The following CCSER1 variants were observed in gnomAD, a reference collection of about 807,000 sequenced individuals.
The protein encoded by CCSER1 is coiled-coil serine rich protein 1.
Under a neutral mutation model 82.0 loss-of-function variants are expected in CCSER1, and 41 were observed. The ratio of observed to expected loss-of-function variants is 0.50; its 90% CI spans 0.39 to 0.65. The LOEUF is 0.65. CCSER1 is among the 30% of genes least tolerant of loss of function. CCSER1 has a pLI of 0.00. For missense variants in CCSER1, 1,119 were observed against 1,064.2 expected, an observed-to-expected ratio of 1.05 and a Z score of -0.72; for synonymous variants, 414 against 383.9, an observed-to-expected ratio of 1.08 and a Z score of -0.92.
Position 90,915,866 on chromosome 4 carries a change from A to G in CCSER1, c.2095-7504A>G, listed in dbSNP as rs565812257. ...AAAATCACAAGCATTCTTATACACCAATAACAGACAAACAGAGAGCCAAAT... is the reference window on the plus strand; with the variant it reads ...AAAATCACAAGCATTCTTATACACCGATAACAGACAAACAGAGAGCCAAAT... On this transcript the variant is annotated intron_variant, in intron 8 of 10. Coordinates refer to ENST00000509176, the MANE Select transcript of CCSER1 (RefSeq NM_001145065.2). Among the ~76,000 whole-genome samples the G allele has an allele frequency of 3.0e-3, 457 of 152,066 alleles. 3 individuals are homozygous for G. Among genetic ancestry groups the G allele is most frequent in the African/African-American group, 0.011 (439 of 41,460 alleles).
chr4:90,382,827 A>T (rs1749412178), intron 3 of CCSER1, among the ~76,000 whole-genome samples: 1 of 152,128 alleles, frequency 6.6e-6, no homozygotes, highest in Non-Finnish European at 1.5e-5. Flanking sequence ...ATTTGTCATT[A>T]ACTAAAAAAT....
intron 10 of CCSER1, among the ~76,000 whole-genome samples, chr4:91,555,348 ATAGTT>A (rs1204512471): frequency 6.6e-6 from 1 of 151,172 alleles, no homozygotes; most frequent in African/African-American, 2.4e-5. Flanking sequence ...AAGTTACTGT[ATAGTT>A]TATTTTCTTC....
intron 1 of CCSER1, among the ~76,000 whole-genome samples, chr4:90,198,758 AAG>A (rs1472507749): frequency 6.6e-6 from 1 of 152,176 alleles, no homozygotes; most frequent in Non-Finnish European, 1.5e-5. Context: ...TCCGTCCAAA[AAG>A]AGCACCTTCT....
At chr4:91,014,927 TCAAACC>T in intron 9 of CCSER1, among the ~76,000 whole-genome samples, 2 of 83,154 alleles carry the variant, frequency 2.4e-5, no homozygotes, top group Middle Eastern at 6.7e-3. Context: ...TTGGAGAGAA[TCAAACC>T]CATAGTTTAT....
chr4:90,265,414 A>G (rs1037679368), intron 1 of CCSER1, among the ~76,000 whole-genome samples: 1 of 151,876 alleles, frequency 6.6e-6, no homozygotes, highest in African/African-American at 2.4e-5. Flanking sequence ...TAAATGATCA[A>G]ATTTCACTAG....
chr4:90,815,927 T>C, intron 8 of CCSER1, 82 bp downstream of exon 8: 1 of 816,130 alleles, frequency 1.2e-6, no homozygotes, highest in South Asian at 1.8e-5. Context: ...TTAACACCAA[T>C]GGCATTAGTT....
At chr4:91,567,774 G>T (rs146352787) in intron 10 of CCSER1, among the ~76,000 whole-genome samples, 2 of 151,954 alleles carry the variant, frequency 1.3e-5, no homozygotes, top group Admixed American at 1.3e-4. Flanking sequence ...ATGTGAGATG[G>T]GACTCTTGAA....
At chr4:90,807,018 T>C (rs1303607021) in intron 7 of CCSER1, among the ~76,000 whole-genome samples, 1 of 152,132 alleles carries the variant, frequency 6.6e-6, no homozygotes, top group African/African-American at 2.4e-5. Context: ...TGCAAGACTT[T>C]GGTAATATAA....
At chr4:91,463,280 A>T (rs1273876104) in intron 10 of CCSER1, among the ~76,000 whole-genome samples, 1 of 152,192 alleles carries the variant, frequency 6.6e-6, no homozygotes, top group East Asian at 1.9e-4. Flanking sequence ...AACTCAACAG[A>T]CCTGCAGCTG....
At chr4:90,838,377 G>T (rs1453223853) in intron 8 of CCSER1, among the ~76,000 whole-genome samples, 1 of 151,436 alleles carries the variant, frequency 6.6e-6, no homozygotes, top group Non-Finnish European at 1.5e-5. Flanking sequence ...TATGTAAATT[G>T]AATGAACTGT....
chr4:91,450,842 T>C (rs1755831398), intron 10 of CCSER1, among the ~76,000 whole-genome samples: 1 of 151,912 alleles, frequency 6.6e-6, no homozygotes, highest in Admixed American at 6.6e-5. Flanking sequence ...GTGACACAAT[T>C]ATCAGAGCTC....
At chr4:91,108,670 G>A (rs1403231052) in intron 10 of CCSER1, among the ~76,000 whole-genome samples, 1 of 152,134 alleles carries the variant, frequency 6.6e-6, no homozygotes, top group East Asian at 1.9e-4. Context: ...CAACCTGTTA[G>A]CCTCTTTTTT....
chr4:91,459,594 A>G lies in CCSER1; in HGVS notation c.2218-138978A>G, dbSNP rs548822727. ...TGAATATTTAGAGATTTAGAGAAGC[A>G]TATTTGATTGGCTGCCAGGCTCCAG... On this transcript the variant is annotated intron_variant, in intron 10 of 10. Transcript: ENST00000509176. Among the ~76,000 whole-genome samples, 25 of 152,240 alleles carry G rather than the reference A, an allele frequency of 1.6e-4. 1 individual carries two copies. The highest frequency in any genetic ancestry group is 5.5e-4 in the African/African-American group (23 of 41,554).
At chr4:90,425,861 T>G (rs1317058375) in intron 4 of CCSER1, among the ~76,000 whole-genome samples, 1 of 152,044 alleles carries the variant, frequency 6.6e-6, no homozygotes, top group Non-Finnish European at 1.5e-5. Flanking sequence ...CTGTAGGCCC[T>G]AGGATTCTAG....
intron 6 of CCSER1, among the ~76,000 whole-genome samples, chr4:90,657,802 T>C (rs1729982238): frequency 6.6e-6 from 1 of 152,196 alleles, no homozygotes; most frequent in Non-Finnish European, 1.5e-5. Context: ...GTTAAGACTA[T>C]GTTATAACTC....
Position 90,848,892 on chromosome 4 carries a change from T to G in CCSER1, c.2094+33047T>G, listed in dbSNP as rs144916336. Among the ~76,000 whole-genome samples the G allele has an allele frequency of 8.9e-4, 136 of 152,358 alleles. 1 individual carries two copies. The highest frequency in any genetic ancestry group is 3.1e-3 in the African/African-American group (129 of 41,576). ...ATCATTTATCACCTTTGCTCAACAC[T>G]CATTTTCTCTCCTGCCACCCTGTGG... On this transcript the variant is annotated intron_variant, in intron 8 of 10. Transcript: ENST00000509176.
At chr4:90,882,362 A>C (rs1401185794) in intron 8 of CCSER1, among the ~76,000 whole-genome samples, 1 of 151,978 alleles carries the variant, frequency 6.6e-6, no homozygotes, top group African/African-American at 2.4e-5. Flanking sequence ...AAAGCACAAA[A>C]TTGTGAATAC....
At chr4:91,036,554 G>T (rs541165062) in intron 9 of CCSER1, among the ~76,000 whole-genome samples, 1 of 151,994 alleles carries the variant, frequency 6.6e-6, no homozygotes, top group Non-Finnish European at 1.5e-5. Context: ...CAGAAACCAC[G>T]ATCCTAAATT....
intron 5 of CCSER1, among the ~76,000 whole-genome samples, chr4:90,627,111 A>G (rs1253556359): frequency 1.3e-5 from 2 of 152,168 alleles, no homozygotes; most frequent in South Asian, 2.1e-4. Flanking sequence ...CATTATAGAT[A>G]TAAAATGGAG....
Sources: gnomAD v4.1 joint callset for allele counts (sites outside exome capture counted in the v4.1 genomes callset) on GRCh38, gnomAD v4.1.1 for gene constraint, MANE v1.5 for transcripts, NCBI Gene and HGNC (gene_info 2026-07-23, HGNC 2026-07-21) for gene names.